Variants in GLIS3 observed in about 807,000 individuals in gnomAD.
The protein encoded by GLIS3 is zinc finger protein GLIS3.
Under a neutral mutation model 78.6 loss-of-function variants are expected in GLIS3, and 53 were observed. That is an observed-to-expected ratio of 0.67 (90% CI 0.54 to 0.85). The LOEUF is 0.85. Among genes scored for constraint, GLIS3 ranks in the 40% least tolerant of loss-of-function variants. The pLI is 0.00. For missense variants in GLIS3, 1,703 were observed against 1,231.1 expected (o/e 1.38, Z -5.74); for synonymous variants, 684 against 509.9 (o/e 1.34, Z -4.60).
intron 4 of GLIS3, among the ~76,000 whole-genome samples, chr9:3,982,626 A>G (rs1190842978): frequency 2.0e-5 from 3 of 152,208 alleles, no homozygotes; most frequent in African/African-American, 7.2e-5. Context: ...GAAAACTAAT[A>G]CATTTATAAG....
In GLIS3 at chr9:4,119,075, A is replaced by G. The variant is rs148509383; in HGVS notation, c.597-194T>C. Among the ~76,000 whole-genome samples the G allele has an allele frequency of 1.1e-3, 173 of 152,350 alleles. 2 individuals are homozygous for G. In the East Asian group the frequency reaches 0.031, roughly 27 times the overall value. ...AGTTCCAGGTAAATAACATTTTACCAAGAAGAACAATAAAACCTAATGCTC... is the reference window on the plus strand; with the variant it reads ...AGTTCCAGGTAAATAACATTTTACCGAGAAGAACAATAAAACCTAATGCTC... On this transcript the variant is annotated intron_variant, in intron 3 of 10. Coordinates refer to ENST00000381971, the MANE Select transcript of GLIS3 (RefSeq NM_001042413.2).
chr9:4,120,540 G>C (rs1318016602), intron 3 of GLIS3, among the ~76,000 whole-genome samples: 2 of 152,180 alleles, frequency 1.3e-5, no homozygotes, highest in African/African-American at 4.8e-5. Context: ...TCTTCCTGCA[G>C]AGCTCAGCTG....
chr9:4,389,263 AT>A, the GLIS3 span, among the ~76,000 whole-genome samples: 1 of 152,190 alleles, frequency 6.6e-6, no homozygotes, highest in Non-Finnish European at 1.5e-5. Context: ...TAATTTCGAA[AT>A]CAATTCTCCT....
chr9:4,117,730 C>A, intron 4 of GLIS3, 38 bp downstream of exon 4: 1 of 1,613,958 alleles, frequency 6.2e-7, no homozygotes, highest in Non-Finnish European at 8.5e-7. Flanking sequence ...CAAGCCGGGC[C>A]TTCAAGAGAG....
At chr9:4,234,055 G>C (rs1372683106) in intron 2 of GLIS3, among the ~76,000 whole-genome samples, 1 of 152,170 alleles carries the variant, frequency 6.6e-6, no homozygotes, top group African/African-American at 2.4e-5. Flanking sequence ...ATCTGGATTA[G>C]GCTTTAGCTT....
chr9:3,938,310 A>AG (rs1424321373), intron 4 of GLIS3, among the ~76,000 whole-genome samples: 3 of 152,184 alleles, frequency 2.0e-5, no homozygotes, highest in Non-Finnish European at 4.4e-5. Flanking sequence ...AGAGGAATGC[A>AG]GGGGGGTGAG....
chr9:4,399,183 T>G, the GLIS3 span, among the ~76,000 whole-genome samples: 4 of 152,156 alleles, frequency 2.6e-5, no homozygotes, highest in African/African-American at 9.7e-5. Context: ...CACAAAGAAA[T>G]GATAAATGTT....
At chr9:3,862,388 T>A (rs1373007887) in intron 8 of GLIS3, among the ~76,000 whole-genome samples, 1 of 152,192 alleles carries the variant, frequency 6.6e-6, no homozygotes, top group East Asian at 1.9e-4. Context: ...TTGGTGAACT[T>A]GCTCAGCCCT....
At chr9:4,338,233 A>T (rs563100939) in intron 2 of GLIS3, among the ~76,000 whole-genome samples, 25 of 152,286 alleles carry the variant, frequency 1.6e-4, no homozygotes, top group African/African-American at 5.8e-4. Flanking sequence ...GTTGGACTAG[A>T]TGAGTTTCCT....
chr9:4,437,801 T>C, the GLIS3 span, among the ~76,000 whole-genome samples: 1 of 152,224 alleles, frequency 6.6e-6, no homozygotes, highest in East Asian at 1.9e-4. Context: ...TGAGGACCTT[T>C]AAGATGATCC....
intron 4 of GLIS3, among the ~76,000 whole-genome samples, chr9:3,947,210 C>T (rs956847933): frequency 1.3e-5 from 2 of 152,252 alleles, no homozygotes; most frequent in African/African-American, 4.8e-5. Flanking sequence ...TTGTCTTTGA[C>T]TGCAAAGATG....
chr9:4,195,505 A>G (rs1818742955), intron 2 of GLIS3, among the ~76,000 whole-genome samples: 1 of 152,192 alleles, frequency 6.6e-6, no homozygotes, highest in Admixed American at 6.5e-5. Context: ...ACCGCGCTCG[A>G]ATTCTCGCCG....
At chr9:4,057,678 G>C (rs906327239) in intron 4 of GLIS3, among the ~76,000 whole-genome samples, 1 of 151,074 alleles carries the variant, frequency 6.6e-6, no homozygotes, top group Non-Finnish European at 1.5e-5. Flanking sequence ...AGGTCAGATC[G>C]ACTTCCTAGA....
the GLIS3 span, among the ~76,000 whole-genome samples, chr9:4,424,435 C>G: frequency 6.6e-6 from 1 of 152,156 alleles, no homozygotes; most frequent in Admixed American, 6.5e-5. Flanking sequence ...CAGATTCTAG[C>G]CTAGATTCCT....
the GLIS3 span, among the ~76,000 whole-genome samples, chr9:4,451,500 T>C: frequency 7.9e-4 from 121 of 152,296 alleles, no homozygotes; most frequent in African/African-American, 2.7e-3. Flanking sequence ...CAAGTGAACC[T>C]AATAGACATC....
At chr9:4,023,442 C>G (rs1823051114) in intron 4 of GLIS3, among the ~76,000 whole-genome samples, 1 of 152,192 alleles carries the variant, frequency 6.6e-6, no homozygotes, top group Non-Finnish European at 1.5e-5. Context: ...AAAAAAGTGT[C>G]ATCAAGGAAA....
At chr9:4,229,852 A>C (rs974654552) in intron 2 of GLIS3, among the ~76,000 whole-genome samples, 2 of 152,240 alleles carry the variant, frequency 1.3e-5, no homozygotes, top group African/African-American at 4.8e-5. Context: ...TAATTTCTGT[A>C]AACTTACTTA....
chr9:3,851,431 T>G (rs1468504968), intron 9 of GLIS3, among the ~76,000 whole-genome samples: 1 of 152,152 alleles, frequency 6.6e-6, no homozygotes, highest in Non-Finnish European at 1.5e-5. Flanking sequence ...ATTCAAACAT[T>G]AAAGGAAATT....
rs146578287 is a variant in GLIS3 at position 4,041,999 on chromosome 9, C to T, written c.1710+75769G>A. Among the ~76,000 whole-genome samples, 59 of 152,304 alleles carry T rather than the reference C, an allele frequency of 3.9e-4. 1 individual carries two copies. Among genetic ancestry groups the T allele is most frequent in the African/African-American group, 1.2e-3 (48 of 41,562 alleles). On this transcript the variant is annotated intron_variant, in intron 4 of 10. Coordinates refer to ENST00000381971, the MANE Select transcript of GLIS3 (RefSeq NM_001042413.2). ...CCTGAACCTCCACCACCTGTATATA[C>T]GCAGTGAGCTGAAACTGTGCTGACA...
Sources: gnomAD v4.1 joint callset for allele counts (sites outside exome capture counted in the v4.1 genomes callset) on GRCh38, gnomAD v4.1.1 for gene constraint, MANE v1.5 for transcripts, NCBI Gene and HGNC (gene_info 2026-07-23, HGNC 2026-07-21) for gene names.